Variants in MYO15B observed in about 807,000 individuals in gnomAD.
MYO15B encodes myosin XVB.
In MYO15B, 207 loss-of-function variants were observed where a neutral mutation model predicts 119.3. The ratio of observed to expected loss-of-function variants is 1.73; its 90% CI spans 1.55 to 1.95. The LOEUF (loss-of-function observed/expected upper bound fraction) is 1.95, where lower values mean the gene tolerates loss of function less well. Among genes scored for constraint, MYO15B ranks in the 30% most tolerant of loss-of-function variants. The probability of loss-of-function intolerance (pLI) is 0.00; values close to 1 mark genes in which losing one functional copy is unlikely to be tolerated. For synonymous variants in MYO15B, 966 were observed against 498.9 expected, an observed-to-expected ratio of 1.94 and a Z score of -12.48; for missense variants, 2,264 against 1,203.1, an observed-to-expected ratio of 1.88 and a Z score of -13.04.
At position 75,623,509 on chromosome 17, in the gene MYO15B, T is replaced by G. The variant is rs2058826249; in HGVS notation, c.8083-272T>G. On this transcript the variant is annotated intron_variant, in intron 53 of 63. Transcript: ENST00000645453. Reference sequence around the variant, plus strand: ...GCTGGGCGTGGTGGCACGCGCCTATTAATACTTGGGAGGCTGAGGCAGGAG... The same window carrying G: ...GCTGGGCGTGGTGGCACGCGCCTATGAATACTTGGGAGGCTGAGGCAGGAG... 3.3e-5 allele frequency among the ~76,000 whole-genome samples: 5 copies of G among 152,236 alleles called. No individual in the cohort carries two copies. The South Asian group carries it at 1.0e-3, about 32-fold the overall frequency.
intron 47 of MYO15B, 57 bp downstream of exon 47, chr17:75,620,077 C>G: frequency 1.5e-6 from 1 of 677,026 alleles, no homozygotes; most frequent in South Asian, 1.6e-5. Flanking sequence ...GATGCTGCAT[C>G]TCCCTGTCCG....
chr17:75,597,773 T>C (rs1330911156), intron 14 of MYO15B, among the ~76,000 whole-genome samples: 1 of 151,846 alleles, frequency 6.6e-6, no homozygotes, highest in Non-Finnish European at 1.5e-5. Context: ...ACAATTAGCC[T>C]GGTGTGGTGG....
chr17:75,587,866 A>AG (rs1226408453), exon 1 of MYO15B, among the ~76,000 whole-genome samples: 1 of 152,192 alleles, frequency 6.6e-6, no homozygotes, highest in Non-Finnish European at 1.5e-5. Flanking sequence ...TTGTTGGCCG[A>AG]GGGGGTCAGG....
At chr17:75,588,145 G>A (rs1056435430) in exon 1 of MYO15B, 11 of 397,996 alleles carry the variant, frequency 2.8e-5, no homozygotes, top group East Asian at 2.1e-4. Flanking sequence ...GTCGGCCAGC[G>A]CGGATGGCGC....
At chr17:75,604,787 A>C (rs935991552) in intron 19 of MYO15B, among the ~76,000 whole-genome samples, 5 of 151,668 alleles carry the variant, frequency 3.3e-5, no homozygotes, top group African/African-American at 9.7e-5. Flanking sequence ...GCACTTTCCA[A>C]ATTTTTTAAT....
intron 53 of MYO15B, among the ~76,000 whole-genome samples, chr17:75,622,834 T>G (rs561863363): frequency 6.6e-6 from 1 of 152,212 alleles, no homozygotes; most frequent in South Asian, 2.1e-4. Flanking sequence ...GAAATCTGTT[T>G]TGGACACGTG....
At chr17:75,624,670 G>C (rs763153063) in intron 58 of MYO15B, 31 bp downstream of exon 58, 1 of 702,988 alleles carries the variant, frequency 1.4e-6, no homozygotes, top group South Asian at 1.5e-5. Flanking sequence ...TCACGGTGGG[G>C]CCACTCCCCT....
At chr17:75,611,290 C>T (rs113680382) in intron 23 of MYO15B, among the ~76,000 whole-genome samples, 1 of 151,954 alleles carries the variant, frequency 6.6e-6, no homozygotes, top group African/African-American at 2.4e-5. Context: ...GACAAGACCC[C>T]ATCTCTACAA....
rs140654350 is a variant in MYO15B at position 75,597,080 on chromosome 17, C to T, written c.3525+181C>T. Among the ~76,000 whole-genome samples, 380 of 152,250 alleles carry T rather than the reference C, an allele frequency of 2.5e-3. 4 individuals are homozygous for T. The highest frequency in any genetic ancestry group is 8.9e-3 in the African/African-American group (370 of 41,536). On this transcript the variant is annotated intron_variant, in intron 14 of 63. Transcript: ENST00000645453. ...GCGAAGGGGAAGAACCCTGGGCTCCCGCAGAGCTGGGTTCACATCTTGTCT... is the reference window on the plus strand; with the variant it reads ...GCGAAGGGGAAGAACCCTGGGCTCCTGCAGAGCTGGGTTCACATCTTGTCT...
chr17:75,602,554 A>G (rs1345974530), exon 16 of MYO15B: 2 of 696,762 alleles, frequency 2.9e-6, no homozygotes, highest in Non-Finnish European at 5.2e-6. Context: ...GATCAGCTGG[A>G]CCCTGCTGTG....
In MYO15B at chr17:75,616,965, A is replaced by G. The variant is rs1186687411; in HGVS notation, c.6594+4A>G. 2.8e-6 allele frequency: 2 copies of G among 702,866 alleles called. No individual in the cohort carries two copies. The highest frequency in any genetic ancestry group is 2.6e-6 in the Non-Finnish European group (1 of 384,994). 43.5% of individuals were successfully genotyped at this position (702,866 alleles called of 1,614,324 possible). On this transcript the variant is annotated splice_donor_region_variant and intron_variant, in intron 40 of 63. Transcript: ENST00000645453. ...CGGTGCCCACTCGTCCCCGCCGGTG[A>G]GCACCCCAGCCTGTCTCCCCCAGAG...
chr17:75,600,285 C>T (rs1385024846), intron 14 of MYO15B, among the ~76,000 whole-genome samples: 1 of 151,860 alleles, frequency 6.6e-6, no homozygotes, highest in Non-Finnish European at 1.5e-5. Flanking sequence ...CTTCGGCCTC[C>T]CAAAGTGCTG....
rs747296814 is a variant in MYO15B at position 75,620,972 on chromosome 17, A to C, written c.7726-59A>C. ...GGCTGGGGAGGGATGGGGCTGGGGC[A>C]GGACCCCTGGGACAGGGCACTGGAC... On this transcript the variant is annotated intron_variant, in intron 49 of 63. Transcript: ENST00000645453. The C allele has an allele frequency of 1.3e-5, 9 of 702,738 alleles. No homozygotes were observed. The East Asian group carries it at 2.4e-4, about 19-fold the overall frequency. The allele number at this position is 702,738 out of a possible 1,614,324, so 43.5% of individuals were successfully genotyped here.
exon 38 of MYO15B, chr17:75,616,340 G>A: frequency 1.6e-6 from 1 of 609,744 alleles, no homozygotes; most frequent in Non-Finnish European, 2.9e-6. Flanking sequence ...TGAGGACGAT[G>A]AAGCCCCCGG....
intron 9 of MYO15B, chr17:75,593,076 A>G: frequency 2.2e-6 from 1 of 455,004 alleles, no homozygotes; most frequent in Non-Finnish European, 3.9e-6. Context: ...ATGAGCAGCT[A>G]TGGTCAGGCA....
chr17:75,620,312 C>T (rs183672681), exon 48 of MYO15B: 55 of 703,000 alleles, frequency 7.8e-5, no homozygotes, highest in Admixed American at 2.6e-4. Flanking sequence ...CAGCTTCCAC[C>T]GTGGGGACCT....
chr17:75,590,800 C>T (rs747889262), intron 2 of MYO15B, 107 bp from the exon 3 acceptor site: 9 of 198,798 alleles, frequency 4.5e-5, no homozygotes, highest in Non-Finnish European at 6.1e-5. Context: ...CCGGGCTAGG[C>T]GGTGAACCCT....
Position 75,621,428 on chromosome 17 carries a change from G to A in MYO15B, c.7935+20G>A, listed in dbSNP as rs1478480017. The A allele has an allele frequency of 3.7e-5, 26 of 698,984 alleles. No homozygotes were observed. Among genetic ancestry groups the A allele is most frequent in the South Asian group, 3.4e-4 (23 of 67,494 alleles). 43.3% of individuals were successfully genotyped at this position (698,984 alleles called of 1,614,324 possible). ...ACCAAGGTGGGAGAGAGGCAGGGAG[G>A]GGTCTGGCCCGTAGATCTGCCCTCT... On this transcript the variant is annotated intron_variant, in intron 51 of 63. Transcript: ENST00000645453.
exon 11 of MYO15B, chr17:75,594,749 T>C (rs820256): frequency 1.4e-6 from 1 of 703,038 alleles, no homozygotes; most frequent in Non-Finnish European, 2.6e-6. Flanking sequence ...GGAAAGTGCC[T>C]TTGATGCCAG....
Sources: allele counts gnomAD v4.1 joint callset (sites outside exome capture counted in the v4.1 genomes callset), GRCh38; gene constraint gnomAD v4.1.1; transcripts MANE v1.5; gene names NCBI Gene and HGNC (gene_info 2026-07-23, HGNC 2026-07-21).